Variants in PLP1 observed in about 807,000 individuals in gnomAD.
PLP1 encodes the protein proteolipid protein 1, also known as myelin proteolipid protein.
Under a neutral mutation model 18.5 loss-of-function variants are expected in PLP1, and 2 were observed. That is an observed-to-expected ratio of 0.11 (90% confidence interval 0.04 to 0.34). PLP1 has a LOEUF of 0.34. PLP1 is among the 10% of genes least tolerant of loss of function. PLP1 has a pLI of 1.00. For synonymous variants in PLP1, 86 were observed against 83.2 expected, an observed-to-expected ratio of 1.03 and a Z score of -0.19; for missense variants, 105 against 207.3, an observed-to-expected ratio of 0.51 and a Z score of 3.03.
rs781201175 is a variant in PLP1, at chrX:103,792,179, T to C, written c.*1581T>C. The C allele has an allele frequency of 8.9e-6, 1 of 112,028 alleles. No homozygotes were observed. Among genetic ancestry groups the C allele is most frequent in the East Asian group, 2.8e-4 (1 of 3,606 alleles). 9.2% of individuals were successfully genotyped at this position (112,028 alleles called of 1,213,427 possible). On this transcript the variant is annotated 3_prime_UTR_variant, in exon 7 of 7. Coordinates refer to ENST00000621218, the MANE Select transcript of PLP1 (RefSeq NM_000533.5). ...GGAAAGATTTGTACTACAGTTCTTT[T>C]GTTGTAAAGAGTTGTGTTGTTCTTT...
At chrX:103,783,722 C>T (rs1432697739) in intron 1 of PLP1, among the ~76,000 whole-genome samples, 5 of 111,851 alleles carry the variant, frequency 4.5e-5, no homozygotes, top group Non-Finnish European at 9.4e-5. Flanking sequence ...GAAAAGGAGT[C>T]CCCTTTCCCT....
At chrX:103,785,821 C>G in intron 2 of PLP1, 53 bp downstream of exon 2, 1 of 1,044,501 alleles carries the variant, frequency 9.6e-7, no homozygotes, top group Non-Finnish European at 1.3e-6. Flanking sequence ...TCTCTCCATC[C>G]TGGAGATAGA....
chrX:103,781,358 T>A (rs2147757948), intron 1 of PLP1: 6 of 308,039 alleles, frequency 1.9e-5, no homozygotes, highest in South Asian at 1.4e-4. Context: ...TGAAGAGCGC[T>A]GGTGAGAAGG....
In PLP1 at chrX:103,786,615, C is replaced by T. The variant is rs756334357; in HGVS notation, c.342C>T (p.Ser114=). ...YKTTICGKGL[S]ATVTGGQKGR... is the part of the protein sequence containing the mutation. ...CCACCATCTGCGGCAAGGGCCTGAG[C>T]GCAACGGTAACAGGGGGCCAGAAGG... Residue 114 remains serine, a synonymous_variant, in exon 3 of 7, where the codon AGC becomes AGT. Coordinates refer to ENST00000621218, the MANE Select transcript of PLP1 (RefSeq NM_000533.5). The T allele has an allele frequency of 6.6e-6, 8 of 1,209,570 alleles. No individual in the cohort carries two copies. The African/African-American group carries it at 7.0e-5, about 11-fold the overall frequency.
intron 3 of PLP1, chrX:103,786,947 C>T (rs1418422414): frequency 9.1e-6 from 4 of 437,404 alleles, no homozygotes; most frequent in Non-Finnish European, 1.6e-5. Context: ...CTTCTCAAAA[C>T]AGAAAGCATG....
intron 1 of PLP1, among the ~76,000 whole-genome samples, chrX:103,779,258 C>T (rs1055214819): frequency 5.3e-5 from 6 of 112,232 alleles, no homozygotes; most frequent in South Asian, 3.7e-4. Flanking sequence ...AGCCTGTTGT[C>T]GTCTGAGAAC....
chrX:103,776,737 A>G, upstream of PLP1: 3 of 360,113 alleles, frequency 8.3e-6, no homozygotes, highest in Non-Finnish European at 1.4e-5. Flanking sequence ...TAGAGAAGGG[A>G]GTATCCCTGA....
chrX:103,782,822 G>T (rs2074464710), intron 1 of PLP1, among the ~76,000 whole-genome samples: 2 of 111,351 alleles, frequency 1.8e-5, no homozygotes, highest in Admixed American at 1.9e-4. Flanking sequence ...AGGCCCCTGT[G>T]GAATACCAAT....
chrX:103,776,554 C>G (rs2233694), upstream of PLP1: 287 of 144,357 alleles, frequency 2.0e-3, 2 homozygotes, highest in East Asian at 0.02. Flanking sequence ...CCAATTAGAC[C>G]CAAGGATCAG....
In PLP1 at chrX:103,785,625, T is replaced by C. The variant is rs779620495; in HGVS notation, c.48T>C (p.Phe16=). 2 of 1,210,501 alleles carry C rather than the reference T, an allele frequency of 1.7e-6. No homozygotes were observed. Among genetic ancestry groups the C allele is most frequent in the East Asian group, 5.9e-5 (2 of 33,828 alleles). ...CCARCLVGAP[F]ASLVATGLCF... is the part of the protein sequence containing the mutation. ...CAAGATGTCTGGTAGGGGCCCCCTT[T>C]GCTTCCCTGGTGGCCACTGGATTGT... The change falls in exon 2 of 7, where the codon TTT becomes TTC. Residue 16 remains phenylalanine (F), a synonymous_variant. Transcript: ENST00000621218.
chrX:103,789,591 TG>T (rs943454852), intron 6 of PLP1, among the ~76,000 whole-genome samples, 193 bp downstream of exon 6: 2 of 111,720 alleles, frequency 1.8e-5, no homozygotes, highest in Admixed American at 9.5e-5. Flanking sequence ...ACAAATTAGA[TG>T]GGAACAAGAA....
At chrX:103,785,938 T>G in intron 2 of PLP1, 170 bp downstream of exon 2, 1 of 703,609 alleles carries the variant, frequency 1.4e-6, no homozygotes, top group Non-Finnish European at 2.1e-6. Flanking sequence ...TCGAAGCCCA[T>G]TCAGAAAGGA....
At chrX:103,789,310 CT>C (rs755964153) in intron 5 of PLP1, 22 bp from the exon 6 acceptor site, 1 of 1,149,794 alleles carries the variant, frequency 8.7e-7, no homozygotes, top group Non-Finnish European at 1.2e-6. Flanking sequence ...AGAAACAGTT[CT>C]TCCTCTTTCA....
At chrX:103,778,684 C>T (rs1205722410) in intron 1 of PLP1, among the ~76,000 whole-genome samples, 3 of 111,457 alleles carry the variant, frequency 2.7e-5, no homozygotes, top group African/African-American at 9.8e-5. Context: ...CATTGGGTCC[C>T]AGGTCCTAAG....
At chrX:103,781,122 G>A (rs2074450174) in intron 1 of PLP1, 2 of 225,871 alleles carry the variant, frequency 8.9e-6, no homozygotes, top group East Asian at 2.2e-4. Context: ...CATTCCTTTC[G>A]ATGAAAGCCC....
At chrX:103,780,642 T>C (rs1196284564) in intron 1 of PLP1, among the ~76,000 whole-genome samples, 1 of 111,829 alleles carries the variant, frequency 8.9e-6, no homozygotes, top group Non-Finnish European at 1.9e-5. Context: ...ACTTCGGGAC[T>C]GTTTTCCAGC....
chrX:103,788,018 T>C (rs1449379365), intron 4 of PLP1, 52 bp downstream of exon 4: 1 of 990,351 alleles, frequency 1.0e-6, no homozygotes, highest in African/African-American at 1.9e-5. Context: ...GGAAGCACTA[T>C]ATATTTGGTT....
intron 1 of PLP1, among the ~76,000 whole-genome samples, chrX:103,784,376 G>A (rs2074477338): frequency 8.9e-6 from 1 of 111,740 alleles, no homozygotes; most frequent in Non-Finnish European, 1.9e-5. Context: ...GTATAACTGA[G>A]GGTGGGGACA....
chrX:103,783,665 T>A lies in PLP1; in HGVS notation c.5-1917T>A, dbSNP rs56855317. 1.8e-3 allele frequency among the ~76,000 whole-genome samples: 206 copies of A among 112,229 alleles called. 2 individuals carry two copies. The East Asian group carries it at 0.021, about 12-fold the overall frequency. ...AGCCATGTAAATCACTAGGTATTCA[T>A]GCTCTCTGGGCTAAAAACAAACTGT... On this transcript the variant is annotated intron_variant, in intron 1 of 6. Transcript: ENST00000621218.
Sources: allele counts gnomAD v4.1 joint callset (sites outside exome capture counted in the v4.1 genomes callset), GRCh38; gene constraint gnomAD v4.1.1; transcripts MANE v1.5; gene names NCBI Gene and HGNC (gene_info 2026-07-23, HGNC 2026-07-21).